The following CSNK1G1 variants were observed in gnomAD, a reference collection of about 807,000 sequenced individuals.
The protein encoded by CSNK1G1 is casein kinase I isoform gamma-1.
CSNK1G1 carries 22 observed loss-of-function variants against 59.6 expected under a neutral mutation model. That is an observed-to-expected ratio of 0.37 (90% confidence interval 0.26 to 0.53). The LOEUF (loss-of-function observed/expected upper bound fraction) is 0.53, where lower values mean the gene tolerates loss of function less well. CSNK1G1 is among the 20% of genes least tolerant of loss of function. The probability of loss-of-function intolerance (pLI) is 0.89; values close to 1 mark genes in which losing one functional copy is unlikely to be tolerated. For synonymous variants in CSNK1G1, 179 were observed against 177.1 expected (o/e 1.01, Z -0.08); for missense variants, 384 against 519.5 (o/e 0.74, Z 2.54).
chr15:64,278,819 G>C (rs1373384028), intron 2 of CSNK1G1, among the ~76,000 whole-genome samples: 1 of 152,174 alleles, frequency 6.6e-6, no homozygotes, highest in African/African-American at 2.4e-5. Flanking sequence ...TCCCACTGAT[G>C]CAACTACACC....
intron 2 of CSNK1G1, among the ~76,000 whole-genome samples, chr15:64,272,135 C>T (rs752799680): frequency 2.0e-5 from 3 of 151,976 alleles, no homozygotes; most frequent in East Asian, 1.9e-4. Context: ...TTTGAGCCTA[C>T]GGATATCATT....
intron 4 of CSNK1G1, among the ~76,000 whole-genome samples, chr15:64,244,174 A>C (rs999962432): frequency 6.6e-6 from 1 of 152,114 alleles, no homozygotes; most frequent in South Asian, 2.1e-4. Flanking sequence ...GTCTCAAAAA[A>C]TAAAAATAAA....
chr15:64,287,958 A>G (rs1209760755), intron 2 of CSNK1G1, among the ~76,000 whole-genome samples: 1 of 152,186 alleles, frequency 6.6e-6, no homozygotes, highest in Non-Finnish European at 1.5e-5. Context: ...TAGACTAGAG[A>G]TGTCAACATT....
rs528656587 is a variant in CSNK1G1 at position 64,307,709 on chromosome 15, C to T, written c.-224-6986G>A. Among the ~76,000 whole-genome samples, 22 of 152,156 alleles carry T rather than the reference C, an allele frequency of 1.4e-4. No homozygotes were observed. In the East Asian group the frequency reaches 2.9e-3, roughly 20 times the overall value. Reference sequence around the variant, plus strand: ...TTTTTGATTTTGTTTTTGTTTGAGACGGAGTCTCGCTCTGTCACCCAGGCT... The same window carrying T: ...TTTTTGATTTTGTTTTTGTTTGAGATGGAGTCTCGCTCTGTCACCCAGGCT... On this transcript the variant is annotated intron_variant, in intron 1 of 11. Transcript: ENST00000303052.
At chr15:64,181,526 G>C in intron 10 of CSNK1G1, 7 of 1,153,720 alleles carry the variant, frequency 6.1e-6, no homozygotes, top group Non-Finnish European at 5.9e-6. Context: ...GTTTCTTATA[G>C]GTTGATGAGA....
At chr15:64,278,072 G>A (rs1434278756) in intron 2 of CSNK1G1, among the ~76,000 whole-genome samples, 2 of 149,534 alleles carry the variant, frequency 1.3e-5, no homozygotes, top group Admixed American at 6.7e-5. Flanking sequence ...TTGAGATGGA[G>A]TCTCACTCTG....
At chr15:64,196,596 C>T (rs1335003478) in intron 10 of CSNK1G1, among the ~76,000 whole-genome samples, 5 of 152,120 alleles carry the variant, frequency 3.3e-5, no homozygotes, top group Non-Finnish European at 4.4e-5. Flanking sequence ...GGATTACAGG[C>T]GGGCACCACC....
At chr15:64,175,353 T>G (rs1490052926) in intron 11 of CSNK1G1, among the ~76,000 whole-genome samples, 1 of 152,160 alleles carries the variant, frequency 6.6e-6, no homozygotes, top group Non-Finnish European at 1.5e-5. Flanking sequence ...ACTAGCAGGC[T>G]GTTACCTCCA....
intron 2 of CSNK1G1, among the ~76,000 whole-genome samples, chr15:64,277,837 T>C (rs1893803294): frequency 1.4e-5 from 2 of 138,530 alleles, no homozygotes; most frequent in South Asian, 2.2e-4. Flanking sequence ...ATAATAATAT[T>C]GATATATTTA....
At chr15:64,274,783 G>A (rs138896594) in intron 2 of CSNK1G1, among the ~76,000 whole-genome samples, 2 of 152,188 alleles carry the variant, frequency 1.3e-5, no homozygotes, top group African/African-American at 4.8e-5. Flanking sequence ...AAAGAACTAG[G>A]AGTTCTCAGT....
Position 64,167,612 on chromosome 15 carries a change from G to A in CSNK1G1, c.*4319C>T, listed in dbSNP as rs1220343155. 6.5e-6 allele frequency: 1 copy of A among 152,746 alleles called. No homozygotes were observed. The highest frequency in any genetic ancestry group is 2.4e-5 in the African/African-American group (1 of 41,456). 9.5% of individuals were successfully genotyped at this position (152,746 alleles called of 1,614,324 possible). On this transcript the variant is annotated 3_prime_UTR_variant, in exon 12 of 12. Coordinates refer to ENST00000303052, the MANE Select transcript of CSNK1G1 (RefSeq NM_022048.5). ...GTGGCAGTGGCGTGGCAAAGGCAAT[G>A]TTGGCTGTATGGTGTTGCAGGCTCC... is the stretch of plus-strand genomic sequence containing the variant.
At chr15:64,221,539 C>T (rs1280361621) in intron 4 of CSNK1G1, among the ~76,000 whole-genome samples, 1 of 151,940 alleles carries the variant, frequency 6.6e-6, no homozygotes, top group African/African-American at 2.4e-5. Flanking sequence ...CTCAAAGCAA[C>T]TTCTAGACCA....
At position 64,176,067 on chromosome 15, in the gene CSNK1G1, G is replaced by T. The variant is rs929705531; in HGVS notation, c.1215-4082C>A. Among the ~76,000 whole-genome samples, 1 of 152,232 alleles carries T rather than the reference G, an allele frequency of 6.6e-6. No individual in the cohort carries two copies. The highest frequency in any genetic ancestry group is 2.4e-5 in the African/African-American group (1 of 41,462). On this transcript the variant is annotated intron_variant, in intron 11 of 11. Transcript: ENST00000303052. This position sits in a 1 kb window ranked among gnomAD's most constrained non-coding sequence, Gnocchi z 5.2. ...AGACAGCGATAAGATGGGTTTGAAAGAAGGAATAGATTAATTCCTGGGTAC... is the reference window on the plus strand; with the variant it reads ...AGACAGCGATAAGATGGGTTTGAAATAAGGAATAGATTAATTCCTGGGTAC...
Position 64,312,593 on chromosome 15 carries a change from C to T in CSNK1G1, c.-224-11870G>A, listed in dbSNP as rs1251947525. Reference sequence around the variant, plus strand: ...CAGGACCCCTTTCTTACACCTTATACAAAAATTAACTCAAGATGGATTAAA... The same window carrying T: ...CAGGACCCCTTTCTTACACCTTATATAAAAATTAACTCAAGATGGATTAAA... On this transcript the variant is annotated intron_variant, in intron 1 of 11. Coordinates refer to ENST00000303052, the MANE Select transcript of CSNK1G1 (RefSeq NM_022048.5). Among the ~76,000 whole-genome samples the T allele has an allele frequency of 2.0e-5, 3 of 152,064 alleles. No individual in the cohort carries two copies. The East Asian group carries it at 5.8e-4, about 29-fold the overall frequency.
chr15:64,215,553 T>C (rs1184490950), intron 5 of CSNK1G1, among the ~76,000 whole-genome samples: 2 of 152,206 alleles, frequency 1.3e-5, no homozygotes, highest in African/African-American at 2.4e-5. Context: ...AGCTCAGATA[T>C]TTGAATTTGG....
chr15:64,182,704 AACAC>A (rs138815917), intron 10 of CSNK1G1, among the ~76,000 whole-genome samples: 1 of 152,120 alleles, frequency 6.6e-6, no homozygotes, highest in African/African-American at 2.4e-5. Context: ...TTAGCAAGCA[AACAC>A]ACACACACAC....
chr15:64,313,340 G>C (rs1596262709), intron 1 of CSNK1G1, among the ~76,000 whole-genome samples: 1 of 151,154 alleles, frequency 6.6e-6, no homozygotes, highest in Admixed American at 6.6e-5. Context: ...GCAAAGACTT[G>C]GAACCAACCC....
At chr15:64,215,985 C>T (rs1471594237) in intron 5 of CSNK1G1, among the ~76,000 whole-genome samples, 2 of 152,138 alleles carry the variant, frequency 1.3e-5, no homozygotes, top group African/African-American at 4.8e-5. Context: ...AATCCTAGCA[C>T]ATTGGGAGGC....
intron 4 of CSNK1G1, among the ~76,000 whole-genome samples, chr15:64,222,355 G>A (rs755923578): frequency 4.8e-5 from 7 of 145,966 alleles, no homozygotes; most frequent in Admixed American, 1.4e-4. Context: ...ATGTACCTAC[G>A]TAACAAACCT....
Sources: gnomAD v4.1 joint callset for allele counts (sites outside exome capture counted in the v4.1 genomes callset) on GRCh38, gnomAD v4.1.1 for gene constraint, Gnocchi (gnomAD v3.1) non-coding constraint, MANE v1.5 for transcripts, NCBI Gene and HGNC (gene_info 2026-07-23, HGNC 2026-07-21) for gene names.